AOPEP: variants seen among roughly 807,000 people sequenced by gnomAD.
The protein encoded by AOPEP is aminopeptidase O.
Under a neutral mutation model 98.1 loss-of-function variants are expected in AOPEP, and 77 were observed. That is an observed-to-expected ratio of 0.78 (90% CI 0.65 to 0.95). AOPEP has a LOEUF of 0.95. AOPEP is among the 40% of genes least tolerant of loss of function. The pLI is 0.00. For missense variants in AOPEP, 1,024 were observed against 1,024.7 expected (o/e 1.00, Z 0.01); for synonymous variants, 346 against 365.3 (o/e 0.95, Z 0.60).
chr9:95,075,839 G>A (rs956973333), intron 14 of AOPEP, among the ~76,000 whole-genome samples: 1 of 152,218 alleles, frequency 6.6e-6, no homozygotes. Context: ...GTGAGCCACT[G>A]CAATCTGGAT....
At chr9:94,956,656 G>T (rs1589071459) in intron 9 of AOPEP, among the ~76,000 whole-genome samples, 1 of 152,342 alleles carries the variant, frequency 6.6e-6, no homozygotes, top group African/African-American at 2.4e-5. Context: ...GAGAGACCCT[G>T]TCAGCTCGTA....
At chr9:94,832,823 TA>T (rs1461543883) in intron 5 of AOPEP, among the ~76,000 whole-genome samples, 1 of 144,974 alleles carries the variant, frequency 6.9e-6, no homozygotes, top group African/African-American at 2.6e-5. Flanking sequence ...ATTTAAATGA[TA>T]AAAAAATTTT....
chr9:94,729,318 C>T (rs1220839031), intron 1 of AOPEP, among the ~76,000 whole-genome samples: 1 of 152,040 alleles, frequency 6.6e-6, no homozygotes, highest in Admixed American at 6.5e-5. Context: ...CTCACTCATC[C>T]CAGCACCTTG....
chr9:94,775,657 G>A (rs1363542314), intron 3 of AOPEP, among the ~76,000 whole-genome samples: 1 of 149,886 alleles, frequency 6.7e-6, no homozygotes, highest in Non-Finnish European at 1.5e-5. Flanking sequence ...GAGCCACTGC[G>A]CCCAGCCTTA....
At chr9:94,833,743 A>T (rs532891793) in intron 5 of AOPEP, among the ~76,000 whole-genome samples, 1 of 152,350 alleles carries the variant, frequency 6.6e-6, no homozygotes, top group African/African-American at 2.4e-5. Context: ...TAAGGATACC[A>T]GGGAATTAAC....
intron 13 of AOPEP, among the ~76,000 whole-genome samples, chr9:95,055,067 G>C (rs1014165922): frequency 6.6e-6 from 1 of 152,106 alleles, no homozygotes; most frequent in Non-Finnish European, 1.5e-5. Context: ...TGTGTTTTCA[G>C]CAGCAATTCA....
rs144971639 is a variant in AOPEP at position 94,868,831 on chromosome 9, A to G, written c.1365-55155A>G. Among the ~76,000 whole-genome samples the G allele has an allele frequency of 2.2e-3, 341 of 152,180 alleles. 1 individual carries two copies. The highest frequency in any genetic ancestry group is 7.8e-3 in the African/African-American group (325 of 41,494). ...ATGTGTATCTTTATTATTTTACTTC[A>G]TGTGTATTCGGAATGTATTTAGTAT... On this transcript the variant is annotated intron_variant, in intron 5 of 16. Coordinates refer to ENST00000375315, the MANE Select transcript of AOPEP (RefSeq NM_001193329.3).
chr9:95,150,206 G>A, the AOPEP span: 5 of 962,488 alleles, frequency 5.2e-6, no homozygotes, highest in African/African-American at 4.9e-5. Flanking sequence ...TCTAAATAAA[G>A]AGAATGACTC....
At chr9:95,149,632 C>T in the AOPEP span, among the ~76,000 whole-genome samples, 1 of 152,030 alleles carries the variant, frequency 6.6e-6, no homozygotes, top group African/African-American at 2.4e-5. Flanking sequence ...GCACACACCA[C>T]CATGCTTGAC....
chr9:94,785,150 G>A (rs941022258), intron 3 of AOPEP, among the ~76,000 whole-genome samples: 3 of 151,518 alleles, frequency 2.0e-5, no homozygotes, highest in Admixed American at 6.6e-5. Flanking sequence ...GGCCAGGCTG[G>A]TCTCAAACTC....
At chr9:95,114,759 C>A in the AOPEP span, 1 of 1,542,062 alleles carries the variant, frequency 6.5e-7, no homozygotes, top group Non-Finnish European at 9.0e-7. Context: ...AAATGTCAAG[C>A]CCATGAGGAA....
chr9:95,142,242 C>T, the AOPEP span, among the ~76,000 whole-genome samples: 16 of 152,120 alleles, frequency 1.1e-4, no homozygotes, highest in East Asian at 2.9e-3. Flanking sequence ...ATCCACCTGC[C>T]TCAGCCTTCC....
intron 1 of AOPEP, among the ~76,000 whole-genome samples, chr9:94,735,946 C>T (rs1831659019): frequency 1.3e-5 from 2 of 152,196 alleles, no homozygotes; most frequent in African/African-American, 4.8e-5. Context: ...CCTTCTTTCA[C>T]GTCTCACGGT....
At chr9:94,988,033 G>T (rs1251859461) in intron 11 of AOPEP, among the ~76,000 whole-genome samples, 4 of 152,192 alleles carry the variant, frequency 2.6e-5, no homozygotes, top group African/African-American at 9.7e-5. Flanking sequence ...GGAAGAGGTA[G>T]TCTAGTGGAG....
downstream of AOPEP, among the ~76,000 whole-genome samples, chr9:95,089,803 T>G (rs905256594): frequency 2.6e-5 from 4 of 152,234 alleles, no homozygotes; most frequent in African/African-American, 9.6e-5. Context: ...GGGTGGGACC[T>G]GTCACAGGTT....
chr9:94,857,571 T>A (rs1588571604), intron 5 of AOPEP, among the ~76,000 whole-genome samples: 1 of 152,144 alleles, frequency 6.6e-6, no homozygotes, highest in Non-Finnish European at 1.5e-5. Context: ...TTATTTGACT[T>A]CTTAGGATGT....
intron 3 of AOPEP, among the ~76,000 whole-genome samples, chr9:94,783,134 G>A (rs368825470): frequency 5.4e-4 from 83 of 152,294 alleles, no homozygotes; most frequent in Non-Finnish European, 9.4e-4. Flanking sequence ...CAGAGTGGCC[G>A]GTGAGACTTG....
chr9:95,015,617 C>T (rs1056144101), intron 13 of AOPEP, among the ~76,000 whole-genome samples: 4 of 152,094 alleles, frequency 2.6e-5, no homozygotes, highest in African/African-American at 9.7e-5. Context: ...GGATAGAAGA[C>T]AATTGAATCA....
intron 7 of AOPEP, among the ~76,000 whole-genome samples, chr9:94,944,407 A>G (rs1182447020): frequency 6.6e-6 from 1 of 152,258 alleles, no homozygotes; most frequent in Non-Finnish European, 1.5e-5. Flanking sequence ...AGCCATAAAA[A>G]GGAACGGAGT....
Sources: gnomAD v4.1 joint callset for allele counts (sites outside exome capture counted in the v4.1 genomes callset) on GRCh38, gnomAD v4.1.1 for gene constraint, MANE v1.5 for transcripts, NCBI Gene and HGNC (gene_info 2026-07-23, HGNC 2026-07-21) for gene names.